Variants in ATP1B3 observed in about 807,000 individuals in gnomAD.
The protein encoded by ATP1B3 is sodium/potassium-transporting ATPase subunit beta-3.
Under a neutral mutation model 30.2 loss-of-function variants are expected in ATP1B3, and 10 were observed. That is an observed-to-expected ratio of 0.33 (90% CI 0.20 to 0.56). The LOEUF is 0.56. Among genes scored for constraint, ATP1B3 ranks in the 20% least tolerant of loss-of-function variants. The probability of loss-of-function intolerance (pLI) is 0.90; values close to 1 mark genes in which losing one functional copy is unlikely to be tolerated. For synonymous variants in ATP1B3, 113 were observed against 117.0 expected, an observed-to-expected ratio of 0.97 and a Z score of 0.22; for missense variants, 238 against 336.7, an observed-to-expected ratio of 0.71 and a Z score of 2.29.
intron 3 of ATP1B3, among the ~76,000 whole-genome samples, chr3:141,909,830 T>C (rs1934329618): frequency 6.6e-6 from 1 of 152,138 alleles, no homozygotes; most frequent in African/African-American, 2.4e-5. Context: ...CCTGCAGGCT[T>C]CTCTTTGAAA....
chr3:141,880,607 T>G (rs1351487994), intron 1 of ATP1B3, among the ~76,000 whole-genome samples: 1 of 152,228 alleles, frequency 6.6e-6, no homozygotes, highest in African/African-American at 2.4e-5. Context: ...TTAACATTTT[T>G]TTAATGATGA....
chr3:141,907,312 GT>G (rs1450359067), intron 3 of ATP1B3, 38 bp downstream of exon 3: 1 of 1,553,592 alleles, frequency 6.4e-7, no homozygotes, highest in South Asian at 1.1e-5. Flanking sequence ...AGAGATTTTA[GT>G]TATAGAAATT....
At chr3:141,895,431 G>A (rs1934046832) in intron 1 of ATP1B3, among the ~76,000 whole-genome samples, 1 of 151,950 alleles carries the variant, frequency 6.6e-6, no homozygotes, top group South Asian at 2.1e-4. Context: ...CTCAGGTGAT[G>A]CACCTGCCTC....
intron 5 of ATP1B3, 90 bp downstream of exon 5, chr3:141,916,110 C>A: frequency 8.3e-7 from 1 of 1,204,040 alleles, no homozygotes; most frequent in Non-Finnish European, 1.2e-6. Flanking sequence ...TTTTTTTCTT[C>A]CCTGTCACAT....
intron 1 of ATP1B3, among the ~76,000 whole-genome samples, chr3:141,897,774 A>G (rs140239351): frequency 0.033 from 4,982 of 152,248 alleles, 277 homozygotes; most frequent in African/African-American, 0.11. Context: ...CAATGGCACA[A>G]TCTTGGCTCA....
chr3:141,922,132 C>T lies in ATP1B3; in HGVS notation c.669+69C>T, dbSNP rs1057206110. ...AGCTGGAGCATGTGTTGACGTACCA[C>T]TTGTCTGGGGTAGGTAGACGCCAGC... On this transcript the variant is annotated intron_variant, in intron 6 of 6. Transcript: ENST00000286371. The T allele has an allele frequency of 2.5e-5, 24 of 943,758 alleles. No individual in the cohort carries two copies. In the African/African-American group the frequency reaches 3.7e-4, roughly 15 times the overall value. 58.5% of individuals were successfully genotyped at this position (943,758 alleles called of 1,614,324 possible).
chr3:141,877,611 C>T (rs1186615944), intron 1 of ATP1B3: 1 of 151,388 alleles, frequency 6.6e-6, no homozygotes, highest in Non-Finnish European at 1.5e-5. Flanking sequence ...TTCTTCCTTA[C>T]AAATTTGCTT....
chr3:141,913,283 C>T (rs1016503644), intron 3 of ATP1B3, among the ~76,000 whole-genome samples: 6 of 151,752 alleles, frequency 4.0e-5, no homozygotes, highest in African/African-American at 1.5e-4. Context: ...TAATGACTCT[C>T]TTCCCCACAA....
chr3:141,916,101 T>C, intron 5 of ATP1B3, 81 bp downstream of exon 5: 1 of 1,313,420 alleles, frequency 7.6e-7, no homozygotes, highest in Non-Finnish European at 1.1e-6. Context: ...TAGTCATCTT[T>C]TTTTTCTTCC....
chr3:141,897,187 C>T (rs558394089), intron 1 of ATP1B3, among the ~76,000 whole-genome samples: 1 of 152,312 alleles, frequency 6.6e-6, no homozygotes, highest in South Asian at 2.1e-4. Flanking sequence ...TCCATCTCAT[C>T]ACCTAGTCTT....
At chr3:141,877,258 A>G (rs138405755) in intron 1 of ATP1B3, among the ~76,000 whole-genome samples, 16,328 of 151,890 alleles carry the variant, frequency 0.11, 1,079 homozygotes, top group Middle Eastern at 0.16. Context: ...CCGAGAGTGC[A>G]GGAGCCGAGC....
At position 141,904,142 on chromosome 3, in the gene ATP1B3, T is replaced by C. The variant is rs1216219921; in HGVS notation, c.238+394T>C. On this transcript the variant is annotated intron_variant, in intron 2 of 6. Transcript: ENST00000286371. ...GTTTATCTTCACCATAAATCTGTTTTATATAGCAGATAGAAGATAGCTAAA... is the reference window on the plus strand; with the variant it reads ...GTTTATCTTCACCATAAATCTGTTTCATATAGCAGATAGAAGATAGCTAAA... Among the ~76,000 whole-genome samples, 2 of 152,244 alleles carry C rather than the reference T, an allele frequency of 1.3e-5. 1 individual carries two copies. Among genetic ancestry groups the C allele is most frequent in the Admixed American group, 1.3e-4 (2 of 15,278 alleles).
At chr3:141,886,058 G>C (rs1044614660) in intron 1 of ATP1B3, among the ~76,000 whole-genome samples, 1 of 152,168 alleles carries the variant, frequency 6.6e-6, no homozygotes, top group Non-Finnish European at 1.5e-5. Context: ...TTCTAAGGCA[G>C]CAGCTTTGAT....
intron 1 of ATP1B3, among the ~76,000 whole-genome samples, chr3:141,878,979 C>G (rs1933661495): frequency 6.6e-6 from 1 of 152,164 alleles, no homozygotes; most frequent in African/African-American, 2.4e-5. Flanking sequence ...TGTTCTAATT[C>G]TTGCAAAGGC....
At chr3:141,922,730 C>T (rs1258067109) in intron 6 of ATP1B3, among the ~76,000 whole-genome samples, 2 of 152,050 alleles carry the variant, frequency 1.3e-5, no homozygotes, top group Non-Finnish European at 1.5e-5. Context: ...CTTTGGGAGG[C>T]CGAGTCGGGC....
At chr3:141,892,335 A>G (rs1043333626) in intron 1 of ATP1B3, among the ~76,000 whole-genome samples, 1 of 152,130 alleles carries the variant, frequency 6.6e-6, no homozygotes, top group African/African-American at 2.4e-5. Flanking sequence ...TTGTTAGCCA[A>G]GACCTATTTT....
At chr3:141,922,176 C>T (rs1934574866) in intron 6 of ATP1B3, 113 bp downstream of exon 6, 3 of 608,566 alleles carry the variant, frequency 4.9e-6, no homozygotes, top group Non-Finnish European at 8.6e-6. Context: ...ATTTGTGCGT[C>T]ATCTATTCAG....
At chr3:141,922,705 C>T (rs1435928672) in intron 6 of ATP1B3, among the ~76,000 whole-genome samples, 2 of 152,082 alleles carry the variant, frequency 1.3e-5, no homozygotes, top group South Asian at 2.1e-4. Context: ...CAGTGGCTCA[C>T]CTGTAATCCC....
At chr3:141,901,840 G>A (rs1023059245) in intron 1 of ATP1B3, among the ~76,000 whole-genome samples, 8 of 152,184 alleles carry the variant, frequency 5.3e-5, no homozygotes, top group African/African-American at 1.9e-4. Context: ...TAGCAATTTT[G>A]TTTCAGACAT....
Sources: allele counts gnomAD v4.1 joint callset (sites outside exome capture counted in the v4.1 genomes callset), GRCh38; gene constraint gnomAD v4.1.1; transcripts MANE v1.5; gene names NCBI Gene and HGNC (gene_info 2026-07-23, HGNC 2026-07-21).